Variants in ABCA13 observed in about 807,000 individuals in gnomAD.
ABCA13 encodes the protein ATP binding cassette subfamily A member 13.
ABCA13 carries 476 observed loss-of-function variants against 478.7 expected under a neutral mutation model. The observed-to-expected ratio is 0.99, with a 90% CI of 0.92 to 1.07. The LOEUF (loss-of-function observed/expected upper bound fraction) is 1.07, where lower values mean the gene tolerates loss of function less well. ABCA13 is among the 50% of genes least tolerant of loss of function. ABCA13 has a pLI of 0.00. For missense variants in ABCA13, 6,060 were observed against 5,910.6 expected (o/e 1.03, Z -0.83); for synonymous variants, 2,252 against 2,158.9 (o/e 1.04, Z -1.20).
chr7:48,326,267 A>C (rs1016203068), intron 27 of ABCA13, among the ~76,000 whole-genome samples: 3 of 152,204 alleles, frequency 2.0e-5, no homozygotes, highest in Non-Finnish European at 4.4e-5. Flanking sequence ...AAAGCTTAAC[A>C]GTGTATCAAC....
intron 17 of ABCA13, 81 bp downstream of exon 17, chr7:48,276,646 C>T (rs1214109777): frequency 1.5e-5 from 17 of 1,142,270 alleles, no homozygotes; most frequent in Non-Finnish European, 5.1e-6. Flanking sequence ...ATAGACATGT[C>T]AAAAACAGTA....
chr7:48,625,772 G>A (rs528436346), intron 59 of ABCA13, among the ~76,000 whole-genome samples: 87 of 152,240 alleles, frequency 5.7e-4, no homozygotes, highest in African/African-American at 2.0e-3. Context: ...TAAACATTCG[G>A]CATTCATTTT....
At chr7:48,268,648 G>A (rs1017046806) in intron 15 of ABCA13, among the ~76,000 whole-genome samples, 23 of 152,214 alleles carry the variant, frequency 1.5e-4, no homozygotes, top group African/African-American at 5.5e-4. Flanking sequence ...TCCCAACTCA[G>A]CACGTCCACT....
chr7:48,389,216 A>T lies in ABCA13; in HGVS notation c.11650A>T (p.Ile3884Phe), dbSNP rs769431020. The T allele has an allele frequency of 6.2e-7, 1 of 1,612,796 alleles. No homozygotes were observed. The highest frequency in any genetic ancestry group is 8.5e-7 in the Non-Finnish European group (1 of 1,179,326). The part of the protein sequence containing the change: ...LGTNGAGKTT[I>F]ISMLTGLHPP... ...GACAAACGGTGCCGGGAAAACCACT[A>T]TCATGTGGGTCCCATTTTACCCTTA... The change falls in exon 37 of 62, where the codon ATC (isoleucine) becomes TTC (phenylalanine). Residue 3884 changes from isoleucine (I) to phenylalanine (F), a missense_variant. By Grantham distance (21) the Ile-to-Phe change is conservative. Transcript: ENST00000435803.
intron 58 of ABCA13, among the ~76,000 whole-genome samples, chr7:48,602,310 G>A (rs1056651545): frequency 1.3e-4 from 20 of 152,044 alleles, no homozygotes; most frequent in African/African-American, 4.1e-4. Flanking sequence ...TGCCTATGTC[G>A]TGAATGGTAT....
At chr7:48,582,802 A>G (rs954049188) in intron 56 of ABCA13, among the ~76,000 whole-genome samples, 6 of 152,152 alleles carry the variant, frequency 3.9e-5, no homozygotes, top group Admixed American at 1.3e-4. Flanking sequence ...TAAAGCTTGA[A>G]CTTAGGTTTG....
chr7:48,301,144 C>T lies in ABCA13; in HGVS notation c.9321+2657C>T, dbSNP rs1289701355. On this transcript the variant is annotated intron_variant, in intron 23 of 61. Transcript: ENST00000435803. ...GTCCTCAGTGGATTCATTCTCCCCG[C>T]GCCACAAATCTTAAGGAGGAAGGGA... 5.3e-5 allele frequency among the ~76,000 whole-genome samples: 8 copies of T among 152,012 alleles called. No homozygotes were observed. The East Asian group carries it at 5.8e-4, about 11-fold the overall frequency.
intron 53 of ABCA13, among the ~76,000 whole-genome samples, chr7:48,520,709 C>T (rs1832485558): frequency 6.6e-6 from 1 of 152,154 alleles, no homozygotes; most frequent in Non-Finnish European, 1.5e-5. Context: ...CCTCTCCAAC[C>T]ACCCCACAAC....
Position 48,524,273 on chromosome 7 carries a change from G to C in ABCA13, c.14077G>C (p.Val4693Leu), listed in dbSNP as rs761608929. 6.2e-7 allele frequency: 1 copy of C among 1,612,222 alleles called. No homozygotes were observed. The highest frequency in any genetic ancestry group is 1.1e-5 in the South Asian group (1 of 90,678). The part of the protein sequence containing the change: ...PRGHSTLQGT[V>L]KSSKDTDVEK... ...GGGTCATTCTACTCTCCAAGGCACA[G>C]TCAAATCTTCTAAGGATACAGATGT... The change falls in exon 54 of 62, where the codon GTC becomes CTC. Residue 4693 changes from valine (V) to leucine (L), a missense_variant. Around this residue, in one of 3 missense-constraint regions of ABCA13, gnomAD observed 1,627 missense variants for 1,571.0 expected, o/e 1.04. Transcript: ENST00000435803.
At chr7:48,211,100 A>AGGATT (rs1247897599) in intron 3 of ABCA13, among the ~76,000 whole-genome samples, 13 of 152,170 alleles carry the variant, frequency 8.5e-5, no homozygotes, top group African/African-American at 3.1e-4. Context: ...CTGTCACTGC[A>AGGATT]GGATTGGTCA....
Position 48,272,289 on chromosome 7 carries a change from C to G in ABCA13, c.2623C>G (p.Gln875Glu), listed in dbSNP as rs1290238585. The change falls in exon 17 of 62, where the codon CAG (glutamine) becomes GAG (glutamate). Residue 875 changes from glutamine to glutamate, a missense_variant. Physicochemically the swap from Gln to Glu is conservative, Grantham distance 29. This residue lies in a region of ABCA13 where 4,423 missense variants were observed against 4,309.1 expected (regional missense o/e 1.03). Coordinates refer to ENST00000435803, the MANE Select transcript of ABCA13 (RefSeq NM_152701.5). ...TCTGAGTACAAGTTTTAACTTTTCC[C>G]AGTTGTTCCATTCAGATTGGCCTAA... is the stretch of plus-strand genomic sequence containing the variant. ...EILSTSFNFS[Q>E]LFHSDWPKSP... 3.7e-6 allele frequency: 6 copies of G among 1,613,616 alleles called. No homozygotes were observed. The highest frequency in any genetic ancestry group is 5.1e-6 in the Non-Finnish European group (6 of 1,179,708).
intron 29 of ABCA13, among the ~76,000 whole-genome samples, chr7:48,346,810 A>G (rs2128971794): frequency 6.6e-6 from 1 of 152,350 alleles, no homozygotes; most frequent in Non-Finnish European, 1.5e-5. Flanking sequence ...AAACAAGATA[A>G]ATAGTGCAAT....
At chr7:48,475,625 C>T (rs1389060570) in intron 45 of ABCA13, among the ~76,000 whole-genome samples, 13 of 151,754 alleles carry the variant, frequency 8.6e-5, no homozygotes, top group Admixed American at 8.5e-4. Flanking sequence ...GCCACTGTGC[C>T]CGGCTAATTT....
At chr7:48,353,460 G>T (rs886757105) in intron 31 of ABCA13, among the ~76,000 whole-genome samples, 2 of 151,476 alleles carry the variant, frequency 1.3e-5, no homozygotes, top group Non-Finnish European at 2.9e-5. Context: ...GGACCGGTTT[G>T]CGTGTTCTCT....
chr7:48,412,605 G>C (rs996023764), intron 41 of ABCA13, 22 bp downstream of exon 41: 1 of 1,569,930 alleles, frequency 6.4e-7, no homozygotes, highest in African/African-American at 1.4e-5. Flanking sequence ...ACTGAAGCGT[G>C]CTTTAATTAT....
chr7:48,310,182 C>T, intron 24 of ABCA13, 41 bp downstream of exon 24: 1 of 1,567,318 alleles, frequency 6.4e-7, no homozygotes, highest in African/African-American at 1.3e-5. Context: ...CTCTGCAGGA[C>T]TCTGCTGTGG....
At chr7:48,633,805 C>A (rs368853366) in intron 59 of ABCA13, among the ~76,000 whole-genome samples, 1 of 152,004 alleles carries the variant, frequency 6.6e-6, no homozygotes, top group African/African-American at 2.4e-5. Context: ...AGGAGAATCA[C>A]CTTAACCTGG....
intron 59 of ABCA13, among the ~76,000 whole-genome samples, chr7:48,617,801 C>T (rs1439869264): frequency 1.3e-5 from 2 of 152,088 alleles, no homozygotes; most frequent in Non-Finnish European, 2.9e-5. Context: ...GCACCTGCTA[C>T]GTCAGTTCAC....
At position 48,273,509 on chromosome 7, in the gene ABCA13, A is replaced by T; in HGVS notation, c.3843A>T (p.Leu1281Phe). ...PFNESTSREF[L>F]NSLLEVFIEF... The stretch of plus-strand genomic sequence containing the variant: ...ACGAAAGTACAAGCAGAGAGTTTTT[A>T]AATTCTCTGCTTGAAGTTTTCATTG... The change falls in exon 17 of 62, where the codon TTA becomes TTT. Residue 1281 changes from leucine to phenylalanine, a missense_variant. Coordinates refer to ENST00000435803, the MANE Select transcript of ABCA13 (RefSeq NM_152701.5). 1 of 1,593,582 alleles carries T rather than the reference A, an allele frequency of 6.3e-7. No homozygotes were observed. The highest frequency in any genetic ancestry group is 8.6e-7 in the Non-Finnish European group (1 of 1,168,336).
Sources: allele counts gnomAD v4.1 joint callset (sites outside exome capture counted in the v4.1 genomes callset), GRCh38; gene constraint gnomAD v4.1.1; regional missense constraint gnomAD v4.1.1; transcripts MANE v1.5; gene names NCBI Gene and HGNC (gene_info 2026-07-23, HGNC 2026-07-21).